The following NRG3 variants were observed in gnomAD, a reference collection of about 807,000 sequenced individuals.
The protein encoded by NRG3 is pro-neuregulin-3, membrane-bound isoform.
In NRG3, 31 loss-of-function variants were observed where a neutral mutation model predicts 66.9. The ratio of observed to expected loss-of-function variants is 0.46; its 90% CI spans 0.35 to 0.63. The LOEUF (loss-of-function observed/expected upper bound fraction) is 0.63. Ranked by LOEUF, NRG3 falls within the 20% of genes least tolerant of loss-of-function variation. NRG3 has a pLI of 0.00. For synonymous variants in NRG3, 393 were observed against 359.4 expected, an observed-to-expected ratio of 1.09 and a Z score of -1.06; for missense variants, 910 against 878.9, an observed-to-expected ratio of 1.04 and a Z score of -0.45.
chr10:82,644,841 A>G (rs2050827381), intron 2 of NRG3, among the ~76,000 whole-genome samples: 2 of 152,286 alleles, frequency 1.3e-5, no homozygotes, highest in East Asian at 3.9e-4. Context: ...TTTTCCACTG[A>G]AACACATTTT....
At chr10:82,540,901 GC>G (rs1235894024) in intron 2 of NRG3, among the ~76,000 whole-genome samples, 1 of 152,136 alleles carries the variant, frequency 6.6e-6, no homozygotes, top group Non-Finnish European at 1.5e-5. Flanking sequence ...TAGAGATAAG[GC>G]CTTTAAAGAT....
At chr10:82,202,613 C>T (rs2074898100) in intron 1 of NRG3, among the ~76,000 whole-genome samples, 2 of 152,230 alleles carry the variant, frequency 1.3e-5, no homozygotes, top group South Asian at 4.1e-4. Context: ...TATTTCTACA[C>T]AGATCAAAGC....
chr10:82,425,570 G>A (rs560201734), intron 2 of NRG3, among the ~76,000 whole-genome samples: 4 of 151,832 alleles, frequency 2.6e-5, no homozygotes, highest in Non-Finnish European at 4.4e-5. Context: ...TTGTTTTAAC[G>A]CATGCTTTGT....
At position 82,201,055 on chromosome 10, in the gene NRG3, G is replaced by C. The variant is rs191293971; in HGVS notation, c.824-157684G>C. Among the ~76,000 whole-genome samples the C allele has an allele frequency of 5.4e-3, 823 of 152,030 alleles. 11 individuals carry two copies. Among genetic ancestry groups the C allele is most frequent in the African/African-American group, 0.019 (783 of 41,458 alleles). ...TACTAAAAATACAAAAAATTAGCCAGGTGTGGTGACAGGCGCCTGTTCTTC... is the reference window on the plus strand; with the variant it reads ...TACTAAAAATACAAAAAATTAGCCACGTGTGGTGACAGGCGCCTGTTCTTC... On this transcript the variant is annotated intron_variant, in intron 1 of 8. Coordinates refer to ENST00000372141, the MANE Select transcript of NRG3 (RefSeq NM_001010848.4).
Position 82,349,835 on chromosome 10 carries a change from T to C in NRG3, c.824-8904T>C, listed in dbSNP as rs1054276549. On this transcript the variant is annotated intron_variant, in intron 1 of 8. Transcript: ENST00000372141. ...TGGGAGTGACCCGATTTTCCAGGTG[T>C]GTCTGTCACCCCTTTCTTTGACTCA... is the stretch of plus-strand genomic sequence containing the variant. 3.2e-4 allele frequency among the ~76,000 whole-genome samples: 48 copies of C among 152,284 alleles called. No individual in the cohort carries two copies. The East Asian group carries it at 7.2e-3, about 23-fold the overall frequency.
chr10:82,732,025 T>C (rs1402388198), intron 2 of NRG3, among the ~76,000 whole-genome samples: 1 of 152,150 alleles, frequency 6.6e-6, no homozygotes, highest in Non-Finnish European at 1.5e-5. Flanking sequence ...TAACATAAGG[T>C]ACAATATAGG....
intron 2 of NRG3, among the ~76,000 whole-genome samples, chr10:82,417,586 T>C (rs1478224538): frequency 6.6e-6 from 1 of 152,200 alleles, no homozygotes; most frequent in African/African-American, 2.4e-5. Flanking sequence ...TTACATTAAC[T>C]TATGCTATTG....
At chr10:82,749,968 T>C (rs1021977056) in intron 3 of NRG3, among the ~76,000 whole-genome samples, 1 of 152,156 alleles carries the variant, frequency 6.6e-6, no homozygotes, top group Non-Finnish European at 1.5e-5. Context: ...TTTGGATAAA[T>C]TTCAATCACA....
intron 5 of NRG3, among the ~76,000 whole-genome samples, chr10:82,957,416 T>C (rs1358794385): frequency 1.3e-5 from 2 of 151,892 alleles, no homozygotes; most frequent in Non-Finnish European, 2.9e-5. Context: ...GCACTATCTT[T>C]GTCAGAGACG....
At chr10:82,902,006 T>C (rs74696642) in intron 4 of NRG3, among the ~76,000 whole-genome samples, 6,668 of 152,306 alleles carry the variant, frequency 0.044, 207 homozygotes, top group Middle Eastern at 0.082. Flanking sequence ...GCTAAATACA[T>C]AAATGGATAG....
At chr10:82,313,093 C>T (rs1337438868) in intron 1 of NRG3, among the ~76,000 whole-genome samples, 1 of 152,042 alleles carries the variant, frequency 6.6e-6, no homozygotes, top group Non-Finnish European at 1.5e-5. Flanking sequence ...TGGGACGATT[C>T]CTTGAGCTAT....
intron 2 of NRG3, among the ~76,000 whole-genome samples, chr10:82,387,264 A>G (rs1001321746): frequency 3.4e-5 from 4 of 118,876 alleles, no homozygotes; most frequent in South Asian, 4.4e-4. Flanking sequence ...ATGTTTTATC[A>G]TAAAACACTC....
rs1589253837 is a variant in NRG3 at position 82,986,713 on chromosome 10, A to C, written c.*1108A>C. On this transcript the variant is annotated 3_prime_UTR_variant, in exon 9 of 9. Transcript: ENST00000372141. ...TTGGCTCATTAATGATATCAGTATCATAAGGTGAGTTCATCAAGGATGTGT... is the reference window on the plus strand; with the variant it reads ...TTGGCTCATTAATGATATCAGTATCCTAAGGTGAGTTCATCAAGGATGTGT... 6.6e-6 allele frequency: 1 copy of C among 152,202 alleles called. No homozygotes were observed. The highest frequency in any genetic ancestry group is 1.5e-5 in the Non-Finnish European group (1 of 68,044). The allele number at this position is 152,202 out of a possible 1,614,324, so 9.4% of individuals were successfully genotyped here. A position where few individuals can be genotyped will look rare whatever the true frequency, so the allele number is the denominator to read the frequency against.
At chr10:82,065,711 T>C (rs1051612896) in intron 1 of NRG3, among the ~76,000 whole-genome samples, 2 of 152,202 alleles carry the variant, frequency 1.3e-5, no homozygotes, top group Non-Finnish European at 1.5e-5. Flanking sequence ...GTGTGTTCTG[T>C]GTCTCTAGAT....
chr10:82,726,299 T>C (rs2057593549), intron 2 of NRG3, among the ~76,000 whole-genome samples: 1 of 152,198 alleles, frequency 6.6e-6, no homozygotes, highest in East Asian at 1.9e-4. Flanking sequence ...CTAGCAAGCA[T>C]AGTCATTACC....
At chr10:81,926,438 G>A (rs542490653) in intron 1 of NRG3, among the ~76,000 whole-genome samples, 1 of 152,218 alleles carries the variant, frequency 6.6e-6, no homozygotes, top group African/African-American at 2.4e-5. Context: ...CTACTTTAGA[G>A]AAGAGAATAT....
intron 2 of NRG3, among the ~76,000 whole-genome samples, chr10:82,718,842 T>C (rs1040851670): frequency 6.6e-6 from 1 of 152,196 alleles, no homozygotes; most frequent in African/African-American, 2.4e-5. Context: ...TGACTAATGA[T>C]GTTGTAGCCT....
rs533583295 is a variant in NRG3, at chr10:82,118,861, A to T, written c.824-239878A>T. On this transcript the variant is annotated intron_variant, in intron 1 of 8. Transcript: ENST00000372141. Reference sequence around the variant, plus strand: ...TCTCCATAGTTCTGGAATCCCATAGACTGATCATATCTAGATCCAGAGTTG... The same window carrying T: ...TCTCCATAGTTCTGGAATCCCATAGTCTGATCATATCTAGATCCAGAGTTG... 2.0e-5 allele frequency among the ~76,000 whole-genome samples: 3 copies of T among 152,222 alleles called. No individual in the cohort carries two copies. In the South Asian group the frequency reaches 6.2e-4, roughly 32 times the overall value.
chr10:82,576,696 T>A (rs897956918), intron 2 of NRG3, among the ~76,000 whole-genome samples: 3 of 151,818 alleles, frequency 2.0e-5, no homozygotes, highest in Non-Finnish European at 4.4e-5. Context: ...TCTGAAGTCC[T>A]CACTTCTTTA....
Sources: allele counts gnomAD v4.1 joint callset (sites outside exome capture counted in the v4.1 genomes callset), GRCh38; gene constraint gnomAD v4.1.1; transcripts MANE v1.5; gene names NCBI Gene and HGNC (gene_info 2026-07-23, HGNC 2026-07-21).